The following FSHR variants were observed in gnomAD, a reference collection of about 807,000 sequenced individuals.
FSHR encodes follicle stimulating hormone receptor.
FSHR carries 46 observed loss-of-function variants against 52.1 expected under a neutral mutation model. The ratio of observed to expected loss-of-function variants is 0.88; its 90% confidence interval spans 0.70 to 1.13. The LOEUF (loss-of-function observed/expected upper bound fraction) is 1.13. Among genes scored for constraint, FSHR ranks in the 50% most tolerant of loss-of-function variants. The pLI, the probability that FSHR is intolerant of heterozygous loss-of-function variation, is 0.00. For missense variants in FSHR, 964 were observed against 834.6 expected (o/e 1.16, Z -1.91); for synonymous variants, 399 against 309.6 (o/e 1.29, Z -3.03).
At chr2:49,150,087 AAAGT>A (rs1243896399) in intron 1 of FSHR, among the ~76,000 whole-genome samples, 4 of 152,002 alleles carry the variant, frequency 2.6e-5, no homozygotes, top group African/African-American at 9.7e-5. Flanking sequence ...CAGGAAGAAT[AAAGT>A]AAGATCAAAG....
At chr2:48,977,118 C>G in intron 8 of FSHR, among the ~76,000 whole-genome samples, 1 of 140,026 alleles carries the variant, frequency 7.1e-6, no homozygotes, top group East Asian at 2.2e-4. Context: ...AATAAAATCC[C>G]CTCTCCTCTC....
intron 1 of FSHR, among the ~76,000 whole-genome samples, chr2:49,140,788 A>G (rs1672657813): frequency 6.6e-6 from 1 of 152,148 alleles, no homozygotes; most frequent in South Asian, 2.1e-4. Flanking sequence ...TGATAGATCA[A>G]TAATTTTTTT....
At chr2:48,967,013 A>T (rs1674504596) in intron 9 of FSHR, among the ~76,000 whole-genome samples, 2 of 152,206 alleles carry the variant, frequency 1.3e-5, no homozygotes, top group Non-Finnish European at 2.9e-5. Flanking sequence ...GAGTCTGAGT[A>T]ACACGATGAG....
At chr2:49,039,233 C>CT (rs1291171959) in intron 2 of FSHR, among the ~76,000 whole-genome samples, 1 of 152,178 alleles carries the variant, frequency 6.6e-6, no homozygotes, top group Non-Finnish European at 1.5e-5. Context: ...CCTCTTACAT[C>CT]TTTTGTTTTC....
intron 8 of FSHR, among the ~76,000 whole-genome samples, chr2:48,974,793 A>G (rs1007736338): frequency 6.6e-6 from 1 of 152,176 alleles, no homozygotes; most frequent in African/African-American, 2.4e-5. Context: ...GATCTTGTTC[A>G]GATCTTGGCT....
At position 49,111,955 on chromosome 2, in the gene FSHR, C is replaced by T. The variant is rs567320768; in HGVS notation, c.152+42311G>A. Among the ~76,000 whole-genome samples, 54 of 152,214 alleles carry T rather than the reference C, an allele frequency of 3.5e-4. 1 individual carries two copies. The highest frequency in any genetic ancestry group is 1.2e-3 in the African/African-American group (49 of 41,542). On this transcript the variant is annotated intron_variant, in intron 1 of 9. Transcript: ENST00000406846. ...GAAGGAAGTAGGGCTGACAATATTG[C>T]CCGTAATTTATAGAAGAGGGAACTG...
At chr2:49,119,880 C>G (rs1299116476) in intron 1 of FSHR, among the ~76,000 whole-genome samples, 1 of 152,184 alleles carries the variant, frequency 6.6e-6, no homozygotes, top group Admixed American at 6.5e-5. Context: ...TAATAATAGT[C>G]TCTACATTGT....
At chr2:49,052,530 T>C (rs980350125) in intron 2 of FSHR, among the ~76,000 whole-genome samples, 1 of 152,200 alleles carries the variant, frequency 6.6e-6, no homozygotes, top group African/African-American at 2.4e-5. Context: ...TATCTGGAAG[T>C]GATACTTGGG....
At chr2:49,105,951 A>G (rs1228056698) in intron 1 of FSHR, among the ~76,000 whole-genome samples, 1 of 152,174 alleles carries the variant, frequency 6.6e-6, no homozygotes, top group Non-Finnish European at 1.5e-5. Flanking sequence ...CCAAAAGCAA[A>G]CTGGGCAGTC....
Position 49,044,997 on chromosome 2 carries a change from C to T in FSHR, c.224+23222G>A, listed in dbSNP as rs76346023. On this transcript the variant is annotated intron_variant, in intron 2 of 9. Transcript: ENST00000406846. The stretch of plus-strand genomic sequence containing the variant: ...AGAGAGGGGCTTTTAGAAACTGCAA[C>T]AGTACTTTTATAAGTGACTAATTGT... 6.7e-3 allele frequency among the ~76,000 whole-genome samples: 1,026 copies of T among 152,252 alleles called. 14 individuals carry two copies. Among genetic ancestry groups the T allele is most frequent in the African/African-American group, 0.024 (988 of 41,518 alleles).
At position 49,060,744 on chromosome 2, in the gene FSHR, G is replaced by A. The variant is rs550452783; in HGVS notation, c.224+7475C>T. Among the ~76,000 whole-genome samples the A allele has an allele frequency of 1.6e-4, 25 of 152,244 alleles. 1 individual carries two copies. The highest frequency in any genetic ancestry group is 2.1e-4 in the Non-Finnish European group (14 of 68,008). The stretch of plus-strand genomic sequence containing the variant: ...TCTAGTACCTTGCTTCCCTGGAGCC[G>A]GACTAGTTCCCTATTCTGGGCTTCT... On this transcript the variant is annotated intron_variant, in intron 2 of 9. Coordinates refer to ENST00000406846, the MANE Select transcript of FSHR (RefSeq NM_000145.4).
intron 2 of FSHR, among the ~76,000 whole-genome samples, chr2:49,055,224 A>T (rs1406617479): frequency 6.6e-6 from 1 of 151,912 alleles, no homozygotes; most frequent in Non-Finnish European, 1.5e-5. Flanking sequence ...AGCTTAAAAA[A>T]TCAATTAATA....
chr2:48,999,527 A>G (rs561119273), intron 4 of FSHR, among the ~76,000 whole-genome samples: 2 of 152,116 alleles, frequency 1.3e-5, no homozygotes, highest in Non-Finnish European at 2.9e-5. Context: ...CTCTGCAACC[A>G]TAGAATTACT....
At chr2:48,987,067 T>C (rs2104086438) in intron 6 of FSHR, among the ~76,000 whole-genome samples, 1 of 152,340 alleles carries the variant, frequency 6.6e-6, no homozygotes, top group South Asian at 2.1e-4. Context: ...TTTACATTTA[T>C]CACCAATCTC....
At chr2:49,075,720 T>G (rs1025434822) in intron 1 of FSHR, among the ~76,000 whole-genome samples, 7 of 152,150 alleles carry the variant, frequency 4.6e-5, no homozygotes, top group Non-Finnish European at 2.9e-5. Context: ...CTTGACTTCC[T>G]GGGCTTAATT....
chr2:49,066,655 G>C (rs979388220), intron 2 of FSHR, among the ~76,000 whole-genome samples: 5 of 152,122 alleles, frequency 3.3e-5, no homozygotes, highest in African/African-American at 4.8e-5. Flanking sequence ...TACTGAGCCA[G>C]CTGCTGTGGT....
intron 1 of FSHR, among the ~76,000 whole-genome samples, chr2:49,113,264 C>A (rs570197550): frequency 6.6e-6 from 1 of 152,150 alleles, no homozygotes; most frequent in African/African-American, 2.4e-5. Context: ...CTTATCTCAT[C>A]GCCAAAACAG....
intron 2 of FSHR, among the ~76,000 whole-genome samples, chr2:49,056,438 C>T (rs1473017046): frequency 7.5e-6 from 1 of 132,676 alleles, no homozygotes; most frequent in Non-Finnish European, 1.6e-5. Context: ...GAAATCATTA[C>T]AATTGGAATA....
chr2:49,071,864 A>G (rs1451440067), intron 1 of FSHR, among the ~76,000 whole-genome samples: 1 of 152,128 alleles, frequency 6.6e-6, no homozygotes, highest in Non-Finnish European at 1.5e-5. Context: ...GTGAAAACTA[A>G]TAGAGTGGGA....
Sources: gnomAD v4.1 joint callset for allele counts (sites outside exome capture counted in the v4.1 genomes callset) on GRCh38, gnomAD v4.1.1 for gene constraint, MANE v1.5 for transcripts, NCBI Gene and HGNC (gene_info 2026-07-23, HGNC 2026-07-21) for gene names.